The following FOXK1 variants were observed in gnomAD, a reference collection of about 807,000 sequenced individuals.
FOXK1 encodes forkhead box protein K1.
A neutral mutation model predicts 51.9 loss-of-function variants in FOXK1; 19 were observed. That is an observed-to-expected ratio of 0.37 (90% CI 0.26 to 0.54). The LOEUF (loss-of-function observed/expected upper bound fraction) is 0.54. Ranked by LOEUF, FOXK1 falls within the 20% of genes least tolerant of loss-of-function variation. The probability of loss-of-function intolerance (pLI) is 0.87; values close to 1 mark genes in which losing one functional copy is unlikely to be tolerated. For missense variants in FOXK1, 870 were observed against 1,032.7 expected, an observed-to-expected ratio of 0.84 and a Z score of 2.16; for synonymous variants, 537 against 482.6, an observed-to-expected ratio of 1.11 and a Z score of -1.48.
rs1262715922 is a variant in FOXK1 at position 4,711,934 on chromosome 7, C to T, written c.561-28904C>T. ...CAAGGTTGAGATGGGGCAGGGACTC[C>T]GGGGGAGGGGCAGAGGGCAGGTGCC... On this transcript the variant is annotated intron_variant, in intron 1 of 8. Transcript: ENST00000328914. The surrounding 1 kb of genome is among the most constrained non-coding windows in gnomAD (Gnocchi z 6.3). Among the ~76,000 whole-genome samples, 1 of 151,976 alleles carries T rather than the reference C, an allele frequency of 6.6e-6. No homozygotes were observed. Among genetic ancestry groups the T allele is most frequent in the Non-Finnish European group, 1.5e-5 (1 of 67,990 alleles).
intron 1 of FOXK1, among the ~76,000 whole-genome samples, chr7:4,725,731 C>T (rs569325365): frequency 1.3e-5 from 2 of 152,252 alleles, no homozygotes; most frequent in Admixed American, 6.5e-5. Flanking sequence ...TCTCAATCTC[C>T]GTCAACTGCC....
At chr7:4,739,384 G>A (rs964505574) in intron 1 of FOXK1, among the ~76,000 whole-genome samples, 4 of 152,214 alleles carry the variant, frequency 2.6e-5, no homozygotes, top group African/African-American at 9.7e-5. Context: ...GTGTGGGCAG[G>A]CTGCTGCTTT....
At chr7:4,732,038 G>A (rs1282753090) in intron 1 of FOXK1, among the ~76,000 whole-genome samples, 4 of 152,112 alleles carry the variant, frequency 2.6e-5, no homozygotes, top group Admixed American at 2.0e-4. Flanking sequence ...CTCCAGCCAG[G>A]CAGGTCTGAC....
Position 4,745,316 on chromosome 7 carries a change from G to A in FOXK1, c.746+4293G>A, listed in dbSNP as rs569058355. 2.0e-5 allele frequency among the ~76,000 whole-genome samples: 3 copies of A among 152,276 alleles called. No individual in the cohort carries two copies. The highest frequency in any genetic ancestry group is 3.9e-4 in the East Asian group (2 of 5,168). ...CCAGGGCCCCTCATTCCCAGGAGTCGGGAGTGGCTTGGGAGCGGCTTTTTC... is the reference window on the plus strand; with the variant it reads ...CCAGGGCCCCTCATTCCCAGGAGTCAGGAGTGGCTTGGGAGCGGCTTTTTC... On this transcript the variant is annotated intron_variant, in intron 2 of 8. Coordinates refer to ENST00000328914, the MANE Select transcript of FOXK1 (RefSeq NM_001037165.2). This position sits in a 1 kb window ranked among gnomAD's most constrained non-coding sequence, Gnocchi z 4.3.
intron 1 of FOXK1, among the ~76,000 whole-genome samples, chr7:4,706,879 C>T (rs758718680): frequency 3.3e-5 from 5 of 152,192 alleles, no homozygotes; most frequent in African/African-American, 4.8e-5. Context: ...ACTGCTGGGT[C>T]GGCCTGTGCC....
At chr7:4,718,406 G>A (rs904057100) in intron 1 of FOXK1, among the ~76,000 whole-genome samples, 1 of 152,214 alleles carries the variant, frequency 6.6e-6, no homozygotes, top group African/African-American at 2.4e-5. Context: ...GCTCAGGGCC[G>A]TCTTTCTGAG....
At chr7:4,741,312 G>A (rs4720401) in intron 2 of FOXK1, among the ~76,000 whole-genome samples, 95,799 of 151,590 alleles carry the variant, frequency 0.63, 31,895 homozygotes, top group East Asian at 0.84. Flanking sequence ...TTTTTAAAGG[G>A]CGTTGAAAAT....
intron 1 of FOXK1, among the ~76,000 whole-genome samples, chr7:4,726,306 C>T (rs1000138426): frequency 2.6e-5 from 4 of 152,244 alleles, no homozygotes; most frequent in South Asian, 2.1e-4. Flanking sequence ...GGCAGGACGG[C>T]GATCACCTTC....
At position 4,767,345 on chromosome 7, in the gene FOXK1, GCCT is replaced by G. The variant is rs1281558620; in HGVS notation, c.*4886_*4888del. 5.3e-5 allele frequency: 8 copies of G among 152,272 alleles called. No homozygotes were observed. The highest frequency in any genetic ancestry group is 1.9e-4 in the African/African-American group (8 of 41,468). The allele number at this position is 152,272 out of a possible 1,614,324, so 9.4% of individuals were successfully genotyped here. A position where few individuals can be genotyped will look rare whatever the true frequency, so the allele number is the denominator to read the frequency against. On this transcript the variant is annotated 3_prime_UTR_variant, in exon 9 of 9. Transcript: ENST00000328914. This position sits in a 1 kb window ranked among gnomAD's most constrained non-coding sequence, Gnocchi z 6.6. ...CAGAGCCCCAGAACGCTGGATGGAGGCCTCCTCGGCCCTGCGGGCGGCCTGGCT... is the reference window on the plus strand; with the variant it reads ...CAGAGCCCCAGAACGCTGGATGGAGGCCTCGGCCCTGCGGGCGGCCTGGCT...
chr7:4,750,662 A>G (rs1415112883), intron 2 of FOXK1, among the ~76,000 whole-genome samples: 1 of 151,012 alleles, frequency 6.6e-6, no homozygotes, highest in Non-Finnish European at 1.5e-5. Context: ...GTTAGCCAGG[A>G]TGGTCTCGAT....
Position 4,735,511 on chromosome 7 carries a change from C to G in FOXK1, c.561-5327C>G, listed in dbSNP as rs561181260. On this transcript the variant is annotated intron_variant, in intron 1 of 8. Transcript: ENST00000328914. This position sits in a 1 kb window ranked among gnomAD's most constrained non-coding sequence, Gnocchi z 4.7. ...TAGCTCTTAGTCATTCTCCGTCCCC[C>G]CTGCCTGTCCCACCCGTCACTCCAG... 9.9e-5 allele frequency among the ~76,000 whole-genome samples: 15 copies of G among 152,284 alleles called. No individual in the cohort carries two copies. Among genetic ancestry groups the G allele is most frequent in the African/African-American group, 3.1e-4 (13 of 41,546 alleles).
At chr7:4,752,878 T>C (rs1780797612) in intron 2 of FOXK1, among the ~76,000 whole-genome samples, 1 of 152,230 alleles carries the variant, frequency 6.6e-6, no homozygotes, top group Admixed American at 6.5e-5. Flanking sequence ...AAAGCCGATT[T>C]TGGGGGCTGT....
intron 1 of FOXK1, among the ~76,000 whole-genome samples, chr7:4,713,384 A>T (rs2115042634): frequency 6.6e-6 from 1 of 151,314 alleles, no homozygotes; most frequent in South Asian, 2.1e-4. Context: ...GGAAAAAACG[A>T]AGGCAGAGAA....
rs940206622 is a variant in FOXK1 at position 4,741,044 on chromosome 7, C to T, written c.746+21C>T. 2.7e-6 allele frequency: 4 copies of T among 1,472,062 alleles called. No individual in the cohort carries two copies. In the East Asian group the frequency reaches 8.1e-5, roughly 30 times the overall value. The allele number at this position is 1,472,062 out of a possible 1,614,324, so 91.2% of individuals were successfully genotyped here. A position where few individuals can be genotyped will look rare whatever the true frequency, so the allele number is the denominator to read the frequency against. ...ATCAGGTGAGTAGCCCCCCAGCCTG[C>T]CCTTGGGCCCCCAGGAGAGAGGGGG... On this transcript the variant is annotated intron_variant, in intron 2 of 8. Transcript: ENST00000328914.
intron 1 of FOXK1, among the ~76,000 whole-genome samples, chr7:4,728,748 A>G (rs532210319): frequency 2.2e-4 from 33 of 148,852 alleles, no homozygotes; most frequent in Non-Finnish European, 3.2e-4. Context: ...AAAAAAAAAA[A>G]AAAGAAAGAA....
chr7:4,730,064 G>A lies in FOXK1; in HGVS notation c.561-10774G>A, dbSNP rs867941489. ...CAGACCGTTGTCTGCGTTTTTCACC[G>A]CGTGTCACCGACTCAGCATATGGGC... On this transcript the variant is annotated intron_variant, in intron 1 of 8. Coordinates refer to ENST00000328914, the MANE Select transcript of FOXK1 (RefSeq NM_001037165.2). The surrounding 1 kb of genome is among the most constrained non-coding windows in gnomAD (Gnocchi z 4.7). Among the ~76,000 whole-genome samples, 20 of 152,192 alleles carry A rather than the reference G, an allele frequency of 1.3e-4. No homozygotes were observed. Among genetic ancestry groups the A allele is most frequent in the Non-Finnish European group, 2.9e-5 (2 of 68,030 alleles).
At chr7:4,688,607 C>T (rs531968385) in intron 1 of FOXK1, among the ~76,000 whole-genome samples, 264 of 152,102 alleles carry the variant, frequency 1.7e-3, no homozygotes, top group Non-Finnish European at 2.2e-3. Context: ...AGGCTGGTCT[C>T]GAAGTCCTGT....
chr7:4,752,556 C>G (rs532946317), intron 2 of FOXK1, among the ~76,000 whole-genome samples: 1 of 152,252 alleles, frequency 6.6e-6, no homozygotes, highest in African/African-American at 2.4e-5. Flanking sequence ...GGGTGCCCCT[C>G]ATTGGTCCTC....
chr7:4,685,803 C>T (rs1222038935), intron 1 of FOXK1, among the ~76,000 whole-genome samples: 3 of 151,742 alleles, frequency 2.0e-5, no homozygotes, highest in Non-Finnish European at 4.4e-5. Context: ...ATTAGCTTGG[C>T]GTGGTGGATC....
Sources: allele counts gnomAD v4.1 joint callset (sites outside exome capture counted in the v4.1 genomes callset), GRCh38; gene constraint gnomAD v4.1.1; non-coding constraint Gnocchi (gnomAD v3.1); transcripts MANE v1.5; gene names NCBI Gene and HGNC (gene_info 2026-07-23, HGNC 2026-07-21).